SPACA3: variants seen among roughly 807,000 people sequenced by gnomAD.
SPACA3 encodes sperm acrosome associated 3.
SPACA3 carries 21 observed loss-of-function variants against 24.5 expected under a neutral mutation model. The observed-to-expected ratio is 0.86, with a 90% CI of 0.61 to 1.24. The LOEUF is 1.24. Ranked by LOEUF, SPACA3 falls within the 50% of genes most tolerant of loss-of-function variation. The pLI is 0.00. For synonymous variants in SPACA3, 115 were observed against 106.9 expected, an observed-to-expected ratio of 1.08 and a Z score of -0.47; for missense variants, 278 against 275.5, an observed-to-expected ratio of 1.01 and a Z score of -0.06.
intron 3 of SPACA3, 56 bp from the exon 4 acceptor site, chr17:32,997,389 A>G: frequency 7.1e-7 from 1 of 1,416,732 alleles, no homozygotes; most frequent in Non-Finnish European, 1.0e-6. Context: ...ACACACACAC[A>G]CACACACCTG....
intron 2 of SPACA3, 124 bp downstream of exon 2, chr17:32,995,841 A>G: frequency 9.2e-7 from 1 of 1,081,772 alleles, no homozygotes; most frequent in Non-Finnish European, 1.3e-6. Context: ...TGTAAACTGA[A>G]GATGATTTGA....
chr17:32,992,419 T>A (rs1243778954), intron 1 of SPACA3, among the ~76,000 whole-genome samples: 4 of 152,156 alleles, frequency 2.6e-5, no homozygotes, highest in Non-Finnish European at 5.9e-5. Context: ...GAAGAAGGTC[T>A]CATGTCCCTG....
Position 32,996,958 on chromosome 17 carries a change from C to G in SPACA3, c.459C>G (p.Asn153Lys), listed in dbSNP as rs770205590. 1.9e-6 allele frequency: 3 copies of G among 1,599,400 alleles called. No homozygotes were observed. The highest frequency in any genetic ancestry group is 1.3e-5 in the African/African-American group (1 of 74,552). ...TCAACAGCCGGAGGTGGTGCAGCAA[C>G]CTCACCCCGAACGTCCCCAACGTGT... Reference protein sequence around the residue: ...FQINSRRWCSNLTPNVPNVCR... With the variant: ...FQINSRRWCSKLTPNVPNVCR... Residue 153 changes from asparagine to lysine, a missense_variant, in exon 3 of 5, where the codon AAC (asparagine) becomes AAG (lysine). Transcript: ENST00000269053.
intron 2 of SPACA3, among the ~76,000 whole-genome samples, chr17:32,996,203 G>A (rs2091720588): frequency 6.6e-6 from 1 of 152,118 alleles, no homozygotes; most frequent in African/African-American, 2.4e-5. Flanking sequence ...TTTAGCACTT[G>A]TAGGCTGGGT....
chr17:32,992,020 G>A (rs776307334), intron 1 of SPACA3, 48 bp downstream of exon 1: 2 of 1,605,820 alleles, frequency 1.2e-6, no homozygotes, highest in South Asian at 2.2e-5. Context: ...GGGGCGCTGG[G>A]TTGGTCTGGC....
At chr17:32,997,595 C>T (rs368807048) in intron 4 of SPACA3, 72 bp downstream of exon 4, 1 of 1,544,596 alleles carries the variant, frequency 6.5e-7, no homozygotes. Flanking sequence ...GGGAACAAAC[C>T]CCTTTCCTTC....
chr17:32,997,377 TCACACA>T (rs538091519), intron 3 of SPACA3, 62 bp from the exon 4 acceptor site: 9 of 937,514 alleles, frequency 9.6e-6, no homozygotes, highest in African/African-American at 1.8e-5. Context: ...AGATACACAC[TCACACA>T]CACACACACA....
rs146053986 is a variant in SPACA3, at chr17:32,997,497, C to A, written c.555C>A (p.Thr185=). 2.4e-4 allele frequency: 393 copies of A among 1,614,036 alleles called. 2 individuals carry two copies. The highest frequency in any genetic ancestry group is 2.3e-3 in the Middle Eastern group (14 of 6,062). ...KDTVICAMKI[T]QEPQGLGYWE... is the part of the protein sequence containing the mutation. ...CCGTTATCTGTGCCATGAAGATAAC[C>A]CAAGAGCCTCAGGGTCTGGGTTACT... The change falls in exon 4 of 5, where the codon ACC becomes ACA. Residue 185 remains threonine, a synonymous_variant. Transcript: ENST00000269053.
In SPACA3 at chr17:32,997,351, A is replaced by AGAGC. The variant is rs1204589266; in HGVS notation, c.503-91_503-90insCGAG. 3.2e-5 allele frequency: 29 copies of AGAGC among 915,960 alleles called. No individual in the cohort carries two copies. The African/African-American group carries it at 4.5e-4, about 14-fold the overall frequency. 56.7% of individuals were successfully genotyped at this position (915,960 alleles called of 1,614,324 possible). On this transcript the variant is annotated intron_variant, in intron 3 of 4. Transcript: ENST00000269053. The stretch of plus-strand genomic sequence containing the variant: ...TGTGTGTGTGTGTGTGTGTAGAGAG[A>AGAGC]GAGAGAGAGACAGACAGATACACAC...
chr17:32,996,472 G>A (rs1233441229), intron 2 of SPACA3, among the ~76,000 whole-genome samples: 2 of 140,798 alleles, frequency 1.4e-5, no homozygotes, highest in Non-Finnish European at 3.0e-5. Flanking sequence ...CTGGGCAACA[G>A]AGTGAGACTC....
intron 1 of SPACA3, among the ~76,000 whole-genome samples, chr17:32,994,909 G>A (rs2091712440): frequency 6.6e-6 from 1 of 152,190 alleles, no homozygotes; most frequent in Non-Finnish European, 1.5e-5. Context: ...TGGTGGTGGG[G>A]GTGGAGGAGA....
chr17:32,994,676 T>A (rs1455470835), intron 1 of SPACA3, among the ~76,000 whole-genome samples: 1 of 151,922 alleles, frequency 6.6e-6, no homozygotes, highest in Non-Finnish European at 1.5e-5. Flanking sequence ...GAAGCAGGGA[T>A]GACCAGGGCA....
chr17:32,993,497 G>A (rs570821270), intron 1 of SPACA3, among the ~76,000 whole-genome samples: 1 of 152,290 alleles, frequency 6.6e-6, no homozygotes, highest in East Asian at 1.9e-4. Context: ...GAGGAAACCT[G>A]GGAGAAGGGA....
In SPACA3 at chr17:32,991,981, C is replaced by T. The variant is rs200939723; in HGVS notation, c.34+9C>T. 1.3e-4 allele frequency: 217 copies of T among 1,613,584 alleles called. 1 individual carries two copies. Among genetic ancestry groups the T allele is most frequent in the Middle Eastern group, 1.6e-4 (1 of 6,076 alleles). ...GGGAGCACCCCTGATCAGTGAGCCC[C>T]CTTTCCCTTCTTCCTGGGGCTGTTA... On this transcript the variant is annotated intron_variant, in intron 1 of 4. Coordinates refer to ENST00000269053, the MANE Select transcript of SPACA3 (RefSeq NM_173847.5).
intron 1 of SPACA3, among the ~76,000 whole-genome samples, chr17:32,993,740 G>C (rs2091705623): frequency 6.6e-6 from 1 of 152,036 alleles, no homozygotes; most frequent in African/African-American, 2.4e-5. Context: ...AAGAGACAAG[G>C]GAGTAGCAGT....
intron 2 of SPACA3, among the ~76,000 whole-genome samples, chr17:32,996,229 T>A (rs2091720817): frequency 6.6e-6 from 1 of 152,180 alleles, no homozygotes; most frequent in Non-Finnish European, 1.5e-5. Context: ...GGCTCAGGCC[T>A]GTAATCCCAG....
intron 1 of SPACA3, 111 bp downstream of exon 1, chr17:32,992,083 C>A: frequency 1.8e-6 from 2 of 1,121,700 alleles, no homozygotes; most frequent in Admixed American, 2.1e-5. Flanking sequence ...GTTATCCTGG[C>A]CTGGAAGAGT....
At chr17:32,994,871 G>C in intron 1 of SPACA3, among the ~76,000 whole-genome samples, 1 of 152,252 alleles carries the variant, frequency 6.6e-6, no homozygotes, top group East Asian at 1.9e-4. Context: ...CCAGGGAGAA[G>C]GGCTTTTTGC....
At position 32,995,697 on chromosome 17, in the gene SPACA3, G is replaced by C. The variant is rs773265437; in HGVS notation, c.323G>C (p.Arg108Pro). Reference sequence around the variant, plus strand: ...CATGACTTCGGGCTGGACGGATACCGGGGATACAGCCTGGCTGACTGTGAG... The same window carrying C: ...CATGACTTCGGGCTGGACGGATACCCGGGATACAGCCTGGCTGACTGTGAG... ...VLHDFGLDGY[R>P]GYSLADWVCL... is the part of the protein sequence containing the mutation. The change falls in exon 2 of 5, where the codon CGG becomes CCG. Residue 108 changes from arginine (R) to proline (P), a missense_variant. Transcript: ENST00000269053. 1.9e-6 allele frequency: 3 copies of C among 1,613,594 alleles called. No individual in the cohort carries two copies. The highest frequency in any genetic ancestry group is 2.2e-5 in the South Asian group (2 of 91,038).
Sources: gnomAD v4.1 joint callset for allele counts (sites outside exome capture counted in the v4.1 genomes callset) on GRCh38, gnomAD v4.1.1 for gene constraint, MANE v1.5 for transcripts, NCBI Gene and HGNC (gene_info 2026-07-23, HGNC 2026-07-21) for gene names.